VEGFD: variants seen among roughly 807,000 people sequenced by gnomAD.
The protein encoded by VEGFD is vascular endothelial growth factor D, also known as c-fos induced growth factor (vascular endothelial growth factor D).
VEGFD carries 26 observed loss-of-function variants against 28.0 expected under a neutral mutation model. The ratio of observed to expected loss-of-function variants is 0.93; its 90% CI spans 0.68 to 1.29. The LOEUF (loss-of-function observed/expected upper bound fraction) is 1.29. Among genes scored for constraint, VEGFD ranks in the 50% most tolerant of loss-of-function variants. The pLI, the probability that VEGFD is intolerant of heterozygous loss-of-function variation, is 0.00. For synonymous variants in VEGFD, 93 were observed against 95.5 expected, an observed-to-expected ratio of 0.97 and a Z score of 0.15; for missense variants, 294 against 273.4, an observed-to-expected ratio of 1.08 and a Z score of -0.53.
chrX:15,359,947 A>G (rs1449401302), intron 2 of VEGFD, among the ~76,000 whole-genome samples: 2 of 112,326 alleles, frequency 1.8e-5, no homozygotes, highest in African/African-American at 3.2e-5. Context: ...TGAGATAAAT[A>G]TTGTTTTAAG....
chrX:15,357,558 C>T (rs760020582), intron 3 of VEGFD, among the ~76,000 whole-genome samples: 1 of 112,104 alleles, frequency 8.9e-6, no homozygotes, highest in South Asian at 3.7e-4. Flanking sequence ...TGTCCCATCC[C>T]TCTTTCCCCA....
chrX:15,362,881 T>C (rs979797911), intron 2 of VEGFD, among the ~76,000 whole-genome samples: 3 of 112,154 alleles, frequency 2.7e-5, no homozygotes, highest in Non-Finnish European at 5.6e-5. Context: ...TTTATTTCTA[T>C]ATTTTGAGAT....
intron 5 of VEGFD, among the ~76,000 whole-genome samples, chrX:15,351,125 TC>T (rs1349305840): frequency 1.1e-5 from 1 of 87,574 alleles, no homozygotes; most frequent in African/African-American, 4.2e-5. Flanking sequence ...TTTTTTTTTT[TC>T]TTTTTTTGAG....
At chrX:15,382,571 G>A (rs957812688) in intron 1 of VEGFD, among the ~76,000 whole-genome samples, 4 of 111,467 alleles carry the variant, frequency 3.6e-5, no homozygotes, top group Admixed American at 9.5e-5. Context: ...CTGGACAGTC[G>A]GAAAAGTCTT....
intron 1 of VEGFD, among the ~76,000 whole-genome samples, chrX:15,376,780 C>A (rs1430156988): frequency 1.8e-5 from 2 of 111,891 alleles, no homozygotes; most frequent in Admixed American, 1.9e-4. Context: ...AAGTTGTTTT[C>A]ACTTTTTCAT....
intron 5 of VEGFD, among the ~76,000 whole-genome samples, chrX:15,348,203 C>T (rs1922602658): frequency 8.9e-6 from 1 of 111,822 alleles, no homozygotes; most frequent in Admixed American, 9.4e-5. Flanking sequence ...GACTCACCTG[C>T]TCTGGTAAGT....
intron 1 of VEGFD, among the ~76,000 whole-genome samples, chrX:15,367,986 A>AAAAG (rs199761765): frequency 0.13 from 8,839 of 66,556 alleles, 628 homozygotes; most frequent in Non-Finnish European, 0.15. Context: ...AAGAAAAAGA[A>AAAAG]AAAGAAAGAA....
chrX:15,346,368 G>A (rs1922548764), intron 6 of VEGFD, 109 bp from the exon 7 acceptor site: 3 of 895,942 alleles, frequency 3.3e-6, no homozygotes, highest in African/African-American at 4.0e-5. Flanking sequence ...TAAAATGTCA[G>A]TATAAAATCC....
At chrX:15,368,039 A>AAAGGAAAG (rs1923206719) in intron 1 of VEGFD, among the ~76,000 whole-genome samples, 5 of 103,941 alleles carry the variant, frequency 4.8e-5, no homozygotes, top group South Asian at 4.4e-4. Context: ...AGGAAAGAAG[A>AAAGGAAAG]AAGAAAGAAA....
intron 1 of VEGFD, among the ~76,000 whole-genome samples, chrX:15,373,874 G>A (rs925212128): frequency 2.7e-5 from 3 of 111,161 alleles, no homozygotes; most frequent in Non-Finnish European, 5.7e-5. Flanking sequence ...CCTGGTTTTG[G>A]GGTCCAAGTA....
chrX:15,361,422 C>A (rs750065909), intron 2 of VEGFD, among the ~76,000 whole-genome samples: 40 of 111,869 alleles, frequency 3.6e-4, no homozygotes, highest in African/African-American at 1.3e-3. Context: ...ACCACATCAA[C>A]TCACTTAGAC....
intron 1 of VEGFD, among the ~76,000 whole-genome samples, chrX:15,368,398 C>T (rs949237341): frequency 3.6e-5 from 4 of 112,472 alleles, no homozygotes; most frequent in African/African-American, 1.3e-4. Context: ...TTTAAGCTTA[C>T]TTTCAACCCC....
At chrX:15,382,047 G>A (rs1923588237) in intron 1 of VEGFD, among the ~76,000 whole-genome samples, 1 of 111,715 alleles carries the variant, frequency 9.0e-6, no homozygotes, top group African/African-American at 3.3e-5. Flanking sequence ...CCAGCCGGGC[G>A]CGGTGGCTCA....
intron 3 of VEGFD, among the ~76,000 whole-genome samples, chrX:15,357,501 G>C (rs144993569): frequency 0.022 from 2,443 of 111,312 alleles, 31 homozygotes; most frequent in Admixed American, 0.044. Context: ...CTCCTCAGTC[G>C]AAGGGTGGGG....
intron 5 of VEGFD, among the ~76,000 whole-genome samples, chrX:15,351,063 T>TTAG (rs1922704135): frequency 1.5e-4 from 13 of 84,440 alleles, no homozygotes; most frequent in African/African-American, 1.8e-4. Flanking sequence ...TTTTTTTTTT[T>TTAG]TAGTAGTAGT....
intron 5 of VEGFD, among the ~76,000 whole-genome samples, chrX:15,350,008 C>T (rs761399950): frequency 4.5e-5 from 5 of 110,667 alleles, no homozygotes; most frequent in Admixed American, 9.6e-5. Context: ...TTCCCTGCCC[C>T]GAGTCAACAC....
chrX:15,380,370 T>C (rs965566955), intron 1 of VEGFD, among the ~76,000 whole-genome samples: 1 of 112,823 alleles, frequency 8.9e-6, no homozygotes, highest in Non-Finnish European at 1.9e-5. Flanking sequence ...TTGTGAGCCA[T>C]GTGGCTTCTC....
chrX:15,379,164 A>G (rs1292897245), intron 1 of VEGFD, among the ~76,000 whole-genome samples: 1 of 111,673 alleles, frequency 9.0e-6, no homozygotes, highest in Admixed American at 9.5e-5. Flanking sequence ...CACACCTGAC[A>G]TGTTACACAT....
chrX:15,384,120 A>G lies in VEGFD; in HGVS notation c.-174T>C. On this transcript the variant is annotated 5_prime_UTR_variant, in exon 1 of 7. Coordinates refer to ENST00000297904, the MANE Select transcript of VEGFD (RefSeq NM_004469.5). ...TGAAATTATTTCAATTAGGCAAGGTACGCTTTTTTTGCACAATCTTAGGGG... is the reference window on the plus strand; with the variant it reads ...TGAAATTATTTCAATTAGGCAAGGTGCGCTTTTTTTGCACAATCTTAGGGG... 5.0e-6 allele frequency: 2 copies of G among 403,038 alleles called. No homozygotes were observed. The highest frequency in any genetic ancestry group is 9.0e-5 in the South Asian group (2 of 22,227). The allele number at this position is 403,038 out of a possible 1,213,427, so 33.2% of individuals were successfully genotyped here. A position where few individuals can be genotyped will look rare whatever the true frequency, so the allele number is the denominator to read the frequency against.
Sources: gnomAD v4.1 joint callset for allele counts (sites outside exome capture counted in the v4.1 genomes callset) on GRCh38, gnomAD v4.1.1 for gene constraint, MANE v1.5 for transcripts, NCBI Gene and HGNC (gene_info 2026-07-23, HGNC 2026-07-21) for gene names.